Variants in ERC2 observed in about 807,000 individuals in gnomAD.
ERC2 encodes the protein ELKS/RAB6-interacting/CAST family member 2, also known as ERC protein 2.
Under a neutral mutation model 114.8 loss-of-function variants are expected in ERC2, and 42 were observed. The ratio of observed to expected loss-of-function variants is 0.37; its 90% CI spans 0.29 to 0.47. The LOEUF is 0.47. Ranked by LOEUF, ERC2 falls within the 20% of genes least tolerant of loss-of-function variation. The pLI, the probability that ERC2 is intolerant of heterozygous loss-of-function variation, is 0.99. For missense variants in ERC2, 939 were observed against 1,150.7 expected (o/e 0.82, Z 2.66); for synonymous variants, 454 against 425.5 (o/e 1.07, Z -0.82).
intron 3 of ERC2, among the ~76,000 whole-genome samples, chr3:56,240,161 G>A (rs909535537): frequency 6.6e-6 from 1 of 152,138 alleles, no homozygotes; most frequent in South Asian, 2.1e-4. Context: ...TCTAACAAAG[G>A]GAAAGTTATA....
At chr3:56,450,890 GAAAT>G (rs2062801191) in intron 1 of ERC2, among the ~76,000 whole-genome samples, 1 of 152,008 alleles carries the variant, frequency 6.6e-6, no homozygotes, top group Non-Finnish European at 1.5e-5. Context: ...GTAAAATTAA[GAAAT>G]AATTTGAGAT....
At chr3:55,951,372 A>G (rs2067491449) in intron 12 of ERC2, among the ~76,000 whole-genome samples, 1 of 152,188 alleles carries the variant, frequency 6.6e-6, no homozygotes. Context: ...GCTAATCATA[A>G]TGTTAAATAA....
intron 7 of ERC2, among the ~76,000 whole-genome samples, chr3:56,062,182 C>T (rs4974163): frequency 0.64 from 97,053 of 152,062 alleles, 32,222 homozygotes; most frequent in East Asian, 0.74. Flanking sequence ...AGAAGTATAA[C>T]ATGGTACTTA....
At chr3:56,063,635 A>G (rs2149711717) in intron 7 of ERC2, among the ~76,000 whole-genome samples, 1 of 152,336 alleles carries the variant, frequency 6.6e-6, no homozygotes, top group South Asian at 2.1e-4. Flanking sequence ...GTAACTTGCC[A>G]AAGATTAAAA....
intron 3 of ERC2, among the ~76,000 whole-genome samples, chr3:56,247,499 T>C (rs1196042061): frequency 3.9e-5 from 6 of 152,220 alleles, no homozygotes; most frequent in Non-Finnish European, 8.8e-5. Flanking sequence ...TTAATTTGCT[T>C]AGTAAATGCT....
rs535664734 is a variant in ERC2, at chr3:55,985,989, C to A, written c.2256-1G>T. The A allele has an allele frequency of 1.3e-6, 2 of 1,540,004 alleles. No individual in the cohort carries two copies. The highest frequency in any genetic ancestry group is 2.7e-5 in the African/African-American group (2 of 73,252). On this transcript the variant is annotated splice_acceptor_variant, in intron 11 of 17. Transcript: ENST00000288221. LOFTEE classifies it high-confidence loss of function. ...TGAAATTACTGACCTGAGAGTCAAG[C>A]TGATTGGAGCAAGGGTGAAAGCAGC...
chr3:56,456,702 T>C (rs2063077048), intron 1 of ERC2, among the ~76,000 whole-genome samples: 1 of 152,246 alleles, frequency 6.6e-6, no homozygotes, highest in African/African-American at 2.4e-5. Flanking sequence ...AGCTAAATAG[T>C]TCTCCCTGTA....
chr3:55,727,463 T>C (rs2064992566), intron 15 of ERC2, among the ~76,000 whole-genome samples: 1 of 152,220 alleles, frequency 6.6e-6, no homozygotes, highest in Admixed American at 6.5e-5. Context: ...TTTATCTTTT[T>C]TTAATGCAAC....
At chr3:56,450,106 G>A (rs1334749155) in intron 1 of ERC2, among the ~76,000 whole-genome samples, 1 of 152,166 alleles carries the variant, frequency 6.6e-6, no homozygotes, top group Non-Finnish European at 1.5e-5. Context: ...AATCAGTAAG[G>A]GGAAAGTCCA....
chr3:55,936,251 G>A (rs2066438013), intron 13 of ERC2, among the ~76,000 whole-genome samples: 1 of 152,108 alleles, frequency 6.6e-6, no homozygotes, highest in Non-Finnish European at 1.5e-5. Context: ...CCTCAGAGCT[G>A]CTATGGAAGC....
At chr3:55,876,277 C>T (rs1439184679) in intron 14 of ERC2, among the ~76,000 whole-genome samples, 2 of 151,942 alleles carry the variant, frequency 1.3e-5, no homozygotes, top group Non-Finnish European at 2.9e-5. Context: ...TGGATTTTAC[C>T]AAGGCAAAGA....
At chr3:55,981,156 T>C (rs1319823297) in intron 12 of ERC2, among the ~76,000 whole-genome samples, 2 of 152,364 alleles carry the variant, frequency 1.3e-5, no homozygotes, top group African/African-American at 4.8e-5. Context: ...AGAACCCACT[T>C]TATGTCTGCA....
At chr3:56,152,772 T>C (rs1161367099) in intron 4 of ERC2, among the ~76,000 whole-genome samples, 1 of 152,196 alleles carries the variant, frequency 6.6e-6, no homozygotes, top group African/African-American at 2.4e-5. Context: ...TACACATTCA[T>C]AAAATAATAC....
chr3:55,652,481 T>C (rs867950855), intron 17 of ERC2, among the ~76,000 whole-genome samples: 1 of 152,156 alleles, frequency 6.6e-6, no homozygotes, highest in Admixed American at 6.5e-5. Context: ...ATCACATACC[T>C]CTTCCTAACT....
intron 2 of ERC2, among the ~76,000 whole-genome samples, chr3:56,426,714 T>A (rs532169091): frequency 6.6e-6 from 1 of 152,296 alleles, no homozygotes; most frequent in South Asian, 2.1e-4. Flanking sequence ...GGAACGTACC[T>A]AAACCCAACC....
At chr3:55,601,547 C>T (rs1055856045) in intron 17 of ERC2, among the ~76,000 whole-genome samples, 2 of 152,198 alleles carry the variant, frequency 1.3e-5, no homozygotes, top group Non-Finnish European at 2.9e-5. Flanking sequence ...TCCTTCGGCA[C>T]TGTAAAATGC....
In ERC2 at chr3:55,781,497, G is replaced by GTT. The variant is rs138601745; in HGVS notation, c.2565-46581_2565-46580dup. 3.2e-4 allele frequency among the ~76,000 whole-genome samples: 47 copies of GTT among 149,122 alleles called. 1 individual carries two copies. The highest frequency in any genetic ancestry group is 3.0e-3 in the East Asian group (15 of 5,062). On this transcript the variant is annotated intron_variant, in intron 14 of 17. Coordinates refer to ENST00000288221, the MANE Select transcript of ERC2 (RefSeq NM_015576.3). Reference sequence around the variant, plus strand: ...GCATTCATTTAATTTTTTAAAAATGGTTTTTTTTTTGTCATGGCTTAATTC... The same window carrying GTT: ...GCATTCATTTAATTTTTTAAAAATGGTTTTTTTTTTTTGTCATGGCTTAATTC...
intron 12 of ERC2, among the ~76,000 whole-genome samples, chr3:55,974,496 G>C (rs1165011110): frequency 6.6e-6 from 1 of 152,188 alleles, no homozygotes; most frequent in Non-Finnish European, 1.5e-5. Flanking sequence ...TAATCACACT[G>C]TGTGGGGCCA....
At chr3:56,372,334 A>T (rs1480147488) in intron 2 of ERC2, among the ~76,000 whole-genome samples, 1 of 152,222 alleles carries the variant, frequency 6.6e-6, no homozygotes, top group Non-Finnish European at 1.5e-5. Context: ...ATTTCTAAAT[A>T]CTTCACATTT....
Sources: gnomAD v4.1 joint callset for allele counts (sites outside exome capture counted in the v4.1 genomes callset) on GRCh38, gnomAD v4.1.1 for gene constraint, MANE v1.5 for transcripts, NCBI Gene and HGNC (gene_info 2026-07-23, HGNC 2026-07-21) for gene names.